Variants in METRNL observed in about 807,000 individuals in gnomAD.
METRNL encodes the protein meteorin like, glial cell differentiation regulator.
A neutral mutation model predicts 17.4 loss-of-function variants in METRNL; 9 were observed. The observed-to-expected ratio is 0.52, with a 90% confidence interval of 0.31 to 0.90. The LOEUF (loss-of-function observed/expected upper bound fraction) is 0.90. Among genes scored for constraint, METRNL ranks in the 40% least tolerant of loss-of-function variants. The pLI is 0.05. For missense variants in METRNL, 408 were observed against 430.7 expected, an observed-to-expected ratio of 0.95 and a Z score of 0.47; for synonymous variants, 215 against 199.3, an observed-to-expected ratio of 1.08 and a Z score of -0.66.
intron 1 of METRNL, 143 bp from the exon 2 acceptor site, chr17:83,084,795 G>T: frequency 9.3e-7 from 1 of 1,076,386 alleles, no homozygotes; most frequent in South Asian, 1.5e-5. Context: ...GCAGGGGTCC[G>T]TGTGGCACCT....
chr17:83,087,248 C>A (rs890270026), intron 2 of METRNL, among the ~76,000 whole-genome samples: 1 of 152,142 alleles, frequency 6.6e-6, no homozygotes, highest in East Asian at 1.9e-4. Flanking sequence ...GGTGACCCTG[C>A]GGCATCTGCT....
intron 2 of METRNL, among the ~76,000 whole-genome samples, chr17:83,088,941 T>G (rs1351682511): frequency 6.6e-6 from 1 of 152,176 alleles, no homozygotes; most frequent in Non-Finnish European, 1.5e-5. Flanking sequence ...TTTGGCTTCC[T>G]GCTTGGTGCC....
At position 83,094,709 on chromosome 17, in the gene METRNL, G is replaced by A. The variant is rs1034089698; in HGVS notation, c.*134G>A. Reference sequence around the variant, plus strand: ...TGGGCCCAGGCCTGACCCTGGTACCGAAGCTGTGGACGTTCTCGCCACACT... The same window carrying A: ...TGGGCCCAGGCCTGACCCTGGTACCAAAGCTGTGGACGTTCTCGCCACACT... On this transcript the variant is annotated 3_prime_UTR_variant, in exon 4 of 4. Transcript: ENST00000320095. The A allele has an allele frequency of 6.4e-6, 4 of 624,386 alleles. No homozygotes were observed. The highest frequency in any genetic ancestry group is 9.3e-6 in the Non-Finnish European group (4 of 429,666). The allele number at this position is 624,386 out of a possible 1,614,324, so 38.7% of individuals were successfully genotyped here. A position where few individuals can be genotyped will look rare whatever the true frequency, so the allele number is the denominator to read the frequency against.
intron 1 of METRNL, among the ~76,000 whole-genome samples, chr17:83,081,296 G>T (rs1038249778): frequency 2.0e-5 from 3 of 152,178 alleles, no homozygotes; most frequent in Non-Finnish European, 4.4e-5. Flanking sequence ...CCTCTGCCCG[G>T]CGGGTCGGTG....
chr17:83,084,939 G>C lies in METRNL; in HGVS notation c.172G>C (p.Gly58Arg). 1.2e-6 allele frequency: 2 copies of C among 1,609,620 alleles called. No homozygotes were observed. The highest frequency in any genetic ancestry group is 1.7e-6 in the Non-Finnish European group (2 of 1,177,672). The change falls in exon 2 of 4, where the codon GGG (glycine) becomes CGG (arginine). Residue 58 changes from glycine to arginine, a missense_variant and splice_region_variant. Physicochemically the swap from Gly to Arg is moderately radical, Grantham distance 125. Transcript: ENST00000320095. ...SSDRCSWKGSGLTHEAHRKEV... is the reference protein window; with the variant it reads ...SSDRCSWKGSRLTHEAHRKEV... ...GCTGACAGTGTCTCTCCTCTGCAGC[G>C]GGCTGACGCACGAGGCACACAGGAA...
intron 2 of METRNL, among the ~76,000 whole-genome samples, chr17:83,087,671 C>A (rs559034031): frequency 1.3e-5 from 2 of 152,314 alleles, no homozygotes; most frequent in African/African-American, 4.8e-5. Flanking sequence ...AGGCCGGCTC[C>A]CCAGCACTCT....
chr17:83,079,902 C>G lies in METRNL; in HGVS notation c.87C>G (p.Leu29=). 1.0e-6 allele frequency: 1 copy of G among 994,422 alleles called. No homozygotes were observed. The highest frequency in any genetic ancestry group is 1.2e-6 in the Non-Finnish European group (1 of 837,148). The allele number at this position is 994,422 out of a possible 1,614,324, so 61.6% of individuals were successfully genotyped here. A position where few individuals can be genotyped will look rare whatever the true frequency, so the allele number is the denominator to read the frequency against. Residue 29 remains leucine, a synonymous_variant, in exon 1 of 4, where the codon CTC becomes CTG. Transcript: ENST00000320095. ...PPAPGPPPPP[L]PLLLLLLAGL... ...CCCCGGGCCCGCCCCCGCCGCCGCT[C>G]CCGCTGCTGCTCCTGCTCCTGGCCG...
chr17:83,085,480 GC>G (rs564784689), intron 2 of METRNL, among the ~76,000 whole-genome samples, 157 bp downstream of exon 2: 7 of 152,290 alleles, frequency 4.6e-5, no homozygotes, highest in African/African-American at 1.7e-4. Flanking sequence ...TGCCTGAAGA[GC>G]CCCCCAGGTG....
rs1294586401 is a variant in METRNL at position 83,090,296 on chromosome 17, CCA to C, written c.557-2863_557-2862del. ...CCCCCGCCCTGCCCCAGGGTGGGAG[CCA>C]CACACACCCCCGCCCTGCCCCAGGG... On this transcript the variant is annotated intron_variant, in intron 2 of 3. Transcript: ENST00000320095. 5.3e-4 allele frequency among the ~76,000 whole-genome samples: 4 copies of C among 7,584 alleles called. 1 individual carries two copies. Among genetic ancestry groups the C allele is most frequent in the East Asian group, 0.1 (1 of 10 alleles). The allele number at this position is 7,584 out of a possible 152,430, so 5.0% of individuals were successfully genotyped here.
intron 2 of METRNL, among the ~76,000 whole-genome samples, chr17:83,086,832 A>G (rs1299538364): frequency 6.6e-6 from 1 of 152,090 alleles, no homozygotes. Context: ...GGGAAATTCA[A>G]TGGTTCTAGT....
In METRNL at chr17:83,092,985, C is replaced by G. The variant is rs1183716017; in HGVS notation, c.557-182C>G. Among the ~76,000 whole-genome samples, 4 of 152,174 alleles carry G rather than the reference C, an allele frequency of 2.6e-5. No homozygotes were observed. The South Asian group carries it at 6.2e-4, about 24-fold the overall frequency. On this transcript the variant is annotated intron_variant, in intron 2 of 3. Transcript: ENST00000320095. ...GTTGTGTTTTCTGTCTCCCGTGCTG[C>G]CGGCCCCTCCAGCACGTGCCGCCAA...
chr17:83,084,794 C>A, intron 1 of METRNL, 144 bp from the exon 2 acceptor site: 1 of 1,044,394 alleles, frequency 9.6e-7, no homozygotes. Flanking sequence ...GGCAGGGGTC[C>A]GTGTGGCACC....
intron 2 of METRNL, among the ~76,000 whole-genome samples, chr17:83,088,695 G>C (rs2038081015): frequency 6.6e-6 from 1 of 152,026 alleles, no homozygotes; most frequent in Non-Finnish European, 1.5e-5. Flanking sequence ...AGCGTCTCAG[G>C]GGCCTCAACG....
Position 83,081,401 on chromosome 17 carries a change from C to T in METRNL, c.170+1416C>T, listed in dbSNP as rs536272749. Among the ~76,000 whole-genome samples, 6 of 152,274 alleles carry T rather than the reference C, an allele frequency of 3.9e-5. No individual in the cohort carries two copies. In the East Asian group the frequency reaches 1.2e-3, roughly 30 times the overall value. On this transcript the variant is annotated intron_variant, in intron 1 of 3. Coordinates refer to ENST00000320095, the MANE Select transcript of METRNL (RefSeq NM_001004431.3). ...CAGGCCGAGTGTGTCGAGAAGGGGC[C>T]GGCGCCCTTTTCAGGGTGTCAGGGG...
chr17:83,084,439 G>T (rs368504457), intron 1 of METRNL: 1 of 155,254 alleles, frequency 6.4e-6, no homozygotes, highest in Admixed American at 6.5e-5. Flanking sequence ...CCCAGCCCTC[G>T]TGGTCATCTG....
chr17:83,091,751 A>C (rs2038139865), intron 2 of METRNL, among the ~76,000 whole-genome samples: 1 of 152,194 alleles, frequency 6.6e-6, no homozygotes. Flanking sequence ...GCTCTTGGCC[A>C]GGGACGTTTC....
intron 1 of METRNL, among the ~76,000 whole-genome samples, chr17:83,083,774 C>T (rs2038016821): frequency 6.6e-6 from 1 of 152,232 alleles, no homozygotes; most frequent in African/African-American, 2.4e-5. Flanking sequence ...ATTTTCTCTG[C>T]TGCAGAAAGG....
Position 83,079,763 on chromosome 17 carries a change from T to G in METRNL, c.-53T>G. 2 of 887,926 alleles carry G rather than the reference T, an allele frequency of 2.3e-6. No individual in the cohort carries two copies. Among genetic ancestry groups the G allele is most frequent in the Non-Finnish European group, 2.7e-6 (2 of 749,968 alleles). The allele number at this position is 887,926 out of a possible 1,614,324, so 55.0% of individuals were successfully genotyped here. ...CCCGCCCGGCTCGCCGGCTCCGGGG[T>G]CTGCTCCGGGGGTCGCGGACGCGGG... On this transcript the variant is annotated 5_prime_UTR_variant, in exon 1 of 4. Transcript: ENST00000320095.
rs7501742 is a variant in METRNL, at chr17:83,093,237, C to G, written c.616+11C>G. On this transcript the variant is annotated intron_variant, in intron 3 of 3. Transcript: ENST00000320095. ...GCACCAGCGACTTCGGTGAGTGTCT[C>G]CTCGGCAGCTTCTACCTCCTGTGCT... 0.35 allele frequency: 564,043 copies of G among 1,602,812 alleles called. 101,896 individuals carry two copies. The highest frequency in any genetic ancestry group is 0.56 in the East Asian group (24,985 of 44,752).
Sources: gnomAD v4.1 joint callset for allele counts (sites outside exome capture counted in the v4.1 genomes callset) on GRCh38, gnomAD v4.1.1 for gene constraint, MANE v1.5 for transcripts, NCBI Gene and HGNC (gene_info 2026-07-23, HGNC 2026-07-21) for gene names.